Variants in PLEKHA8 observed in about 807,000 individuals in gnomAD.
PLEKHA8 encodes the protein pleckstrin homology domain containing A8.
In PLEKHA8, 36 loss-of-function variants were observed where a neutral mutation model predicts 68.2. The observed-to-expected ratio is 0.53, with a 90% confidence interval of 0.40 to 0.70. The LOEUF (loss-of-function observed/expected upper bound fraction) is 0.70, where lower values mean the gene tolerates loss of function less well. Among genes scored for constraint, PLEKHA8 ranks in the 30% least tolerant of loss-of-function variants. The pLI, the probability that PLEKHA8 is intolerant of heterozygous loss-of-function variation, is 0.00. For missense variants in PLEKHA8, 505 were observed against 615.4 expected (o/e 0.82, Z 1.90); for synonymous variants, 211 against 216.1 (o/e 0.98, Z 0.20).
rs1405247460 is a variant in PLEKHA8 at position 30,118,104 on chromosome 7, A to G, written c.1363-11162A>G. 6.1e-6 allele frequency: 8 copies of G among 1,301,448 alleles called. No homozygotes were observed. The Admixed American group carries it at 2.6e-4, about 42-fold the overall frequency. The allele number at this position is 1,301,448 out of a possible 1,614,324, so 80.6% of individuals were successfully genotyped here. On this transcript the variant is annotated intron_variant, in intron 13 of 13. Transcript: ENST00000396257. ...TCTGGGTGACGCCTCTCTCCAGGGG[A>G]TCAGCCTGGACTAAATGCCTCTCCT... is the stretch of plus-strand genomic sequence containing the variant.
At chr7:30,058,952 C>T (rs553702720) in intron 9 of PLEKHA8, among the ~76,000 whole-genome samples, 1 of 152,298 alleles carries the variant, frequency 6.6e-6, no homozygotes, top group East Asian at 1.9e-4. Flanking sequence ...CAAAGTAAGA[C>T]CCTGTCTCTA....
chr7:30,087,951 C>G (rs887209289), downstream of PLEKHA8, among the ~76,000 whole-genome samples: 2 of 152,234 alleles, frequency 1.3e-5, no homozygotes, highest in African/African-American at 4.8e-5. Context: ...AGCCACCTCT[C>G]TCATTAAATC....
chr7:30,038,256 A>G (rs1036003568), intron 1 of PLEKHA8, among the ~76,000 whole-genome samples: 2 of 148,146 alleles, frequency 1.4e-5, no homozygotes, highest in African/African-American at 2.5e-5. Context: ...TCAAATGCAC[A>G]TGGAACATTC....
At chr7:30,117,948 G>T in intron 13 of PLEKHA8, 1 of 1,495,510 alleles carries the variant, frequency 6.7e-7, no homozygotes, top group Non-Finnish European at 9.0e-7. Context: ...TAAAAACTGA[G>T]ACGTGGATTC....
intron 1 of PLEKHA8, among the ~76,000 whole-genome samples, chr7:30,037,115 C>T (rs939919229): frequency 6.6e-6 from 1 of 152,092 alleles, no homozygotes; most frequent in Non-Finnish European, 1.5e-5. Flanking sequence ...AAATTAATTG[C>T]TCTGCTTTGC....
downstream of PLEKHA8, among the ~76,000 whole-genome samples, chr7:30,086,805 G>T (rs751432557): frequency 9.2e-5 from 14 of 152,166 alleles, no homozygotes; most frequent in Non-Finnish European, 1.8e-4. Context: ...TAGGTTAGAA[G>T]AGCTGCTCTT....
chr7:30,028,887 G>A, intron 1 of PLEKHA8, 85 bp downstream of exon 1: 5 of 1,218,194 alleles, frequency 4.1e-6, no homozygotes, highest in South Asian at 4.2e-5. Flanking sequence ...ACCCGTCTTA[G>A]GGAGGGGGTC....
intron 7 of PLEKHA8, among the ~76,000 whole-genome samples, chr7:30,053,974 G>A (rs1026089282): frequency 6.6e-6 from 1 of 152,160 alleles, no homozygotes; most frequent in South Asian, 2.1e-4. Flanking sequence ...AACTCACGGT[G>A]AACAGCACTA....
At chr7:30,051,636 A>G (rs1156888078) in intron 6 of PLEKHA8, among the ~76,000 whole-genome samples, 1 of 151,974 alleles carries the variant, frequency 6.6e-6, no homozygotes. Context: ...TCAGGATGTG[A>G]TGTGGTCCTC....
chr7:30,129,513 A>T (rs1458604951), downstream of PLEKHA8: 1 of 611,444 alleles, frequency 1.6e-6, no homozygotes, highest in East Asian at 2.8e-5. Context: ...TGCAATTTCT[A>T]ATTGATACAC....
chr7:30,113,870 A>G (rs1253476785), intron 13 of PLEKHA8, among the ~76,000 whole-genome samples: 1 of 150,624 alleles, frequency 6.6e-6, no homozygotes, highest in Non-Finnish European at 1.5e-5. Flanking sequence ...TCATTTCTAC[A>G]CATTCTAATT....
chr7:30,054,263 C>T (rs1792649603), intron 7 of PLEKHA8, among the ~76,000 whole-genome samples: 1 of 152,126 alleles, frequency 6.6e-6, no homozygotes, highest in Non-Finnish European at 1.5e-5. Flanking sequence ...TTGCACGTGT[C>T]CACAAATGTC....
chr7:30,056,375 AACATATATATAATATATATAAC>A (rs1792927378), intron 9 of PLEKHA8, among the ~76,000 whole-genome samples: 1 of 118,670 alleles, frequency 8.4e-6, no homozygotes, highest in Non-Finnish European at 1.8e-5. Flanking sequence ...ATATATAAAT[AACATATATATAATATATATAAC>A]ACATATATAT....
chr7:30,037,051 G>A lies in PLEKHA8; in HGVS notation c.41-8034G>A, dbSNP rs1051483652. Among the ~76,000 whole-genome samples, 13 of 152,290 alleles carry A rather than the reference G, an allele frequency of 8.5e-5. 1 individual carries two copies. In the South Asian group the frequency reaches 1.0e-3, roughly 12 times the overall value. On this transcript the variant is annotated intron_variant, in intron 1 of 13. Transcript: ENST00000449726. ...GGCTCTAATGGGATGAGGTGTGGCT[G>A]AGCGCTTAGGTTGGATATTGGAAAA... is the stretch of plus-strand genomic sequence containing the variant.
intron 6 of PLEKHA8, 48 bp from the exon 7 acceptor site, chr7:30,052,661 G>C (rs771703585): frequency 2.1e-6 from 2 of 944,092 alleles, no homozygotes; most frequent in African/African-American, 2.0e-5. Context: ...AAAAAAAAAA[G>C]ACCAAATAAC....
At chr7:30,070,790 C>T (rs926464622) in intron 12 of PLEKHA8, among the ~76,000 whole-genome samples, 3 of 152,152 alleles carry the variant, frequency 2.0e-5, no homozygotes, top group African/African-American at 4.8e-5. Context: ...GTGATCCACC[C>T]GCCTCGGCCT....
chr7:30,068,730 G>C (rs960501421), intron 12 of PLEKHA8, among the ~76,000 whole-genome samples: 1 of 152,066 alleles, frequency 6.6e-6, no homozygotes, highest in African/African-American at 2.4e-5. Flanking sequence ...AGAAGTTTCA[G>C]TTTTTATGTA....
Position 30,082,138 on chromosome 7 carries a change from T to G in PLEKHA8, c.*3351T>G. The G allele has an allele frequency of 2.0e-6, 2 of 985,434 alleles. No homozygotes were observed. The highest frequency in any genetic ancestry group is 2.4e-6 in the Non-Finnish European group (2 of 829,920). The allele number at this position is 985,434 out of a possible 1,614,324, so 61.0% of individuals were successfully genotyped here. A position where few individuals can be genotyped will look rare whatever the true frequency, so the allele number is the denominator to read the frequency against. The stretch of plus-strand genomic sequence containing the variant: ...CTTCGAAGGGTAGTTCTCATTAGGA[T>G]GTATAAGTAGTGGCTTGAGGCACCT... On this transcript the variant is annotated 3_prime_UTR_variant, in exon 14 of 14. Coordinates refer to ENST00000449726, the MANE Select transcript of PLEKHA8 (RefSeq NM_001197026.2).
intron 1 of PLEKHA8, among the ~76,000 whole-genome samples, chr7:30,042,741 A>G (rs1393154654): frequency 1.3e-5 from 2 of 152,208 alleles, no homozygotes; most frequent in East Asian, 3.9e-4. Flanking sequence ...GTGTGATTTC[A>G]AAGACCTCTT....
Sources: allele counts gnomAD v4.1 joint callset (sites outside exome capture counted in the v4.1 genomes callset), GRCh38; gene constraint gnomAD v4.1.1; transcripts MANE v1.5; gene names NCBI Gene and HGNC (gene_info 2026-07-23, HGNC 2026-07-21).